The following SYT2 variants were observed in gnomAD, a reference collection of about 807,000 sequenced individuals.
SYT2 encodes synaptotagmin-2.
SYT2 carries 15 observed loss-of-function variants against 39.9 expected under a neutral mutation model. The ratio of observed to expected loss-of-function variants is 0.38; its 90% CI spans 0.25 to 0.58. The LOEUF (loss-of-function observed/expected upper bound fraction) is 0.58. Ranked by LOEUF, SYT2 falls within the 20% of genes least tolerant of loss-of-function variation. The pLI, the probability that SYT2 is intolerant of heterozygous loss-of-function variation, is 0.70. For missense variants in SYT2, 389 were observed against 530.3 expected (o/e 0.73, Z 2.62); for synonymous variants, 181 against 204.5 (o/e 0.89, Z 0.98).
intron 1 of SYT2, among the ~76,000 whole-genome samples, chr1:202,622,339 G>T (rs751360664): frequency 6.6e-6 from 1 of 152,088 alleles, no homozygotes; most frequent in Admixed American, 6.5e-5. Context: ...CTTGTGTACC[G>T]AGGCCTGATG....
At chr1:202,636,079 G>A (rs1204003292) in intron 1 of SYT2, among the ~76,000 whole-genome samples, 2 of 152,152 alleles carry the variant, frequency 1.3e-5, no homozygotes, top group African/African-American at 4.8e-5. Flanking sequence ...TCTGTCTGGG[G>A]CTCATGGCCA....
intron 1 of SYT2, among the ~76,000 whole-genome samples, chr1:202,709,602 G>C (rs12409197): frequency 0.3 from 44,953 of 152,106 alleles, 7,716 homozygotes; most frequent in South Asian, 0.42. Flanking sequence ...GCAGGGACGG[G>C]GCGTCCTAGG....
intron 1 of SYT2, chr1:202,639,545 GA>G (rs1691842516): frequency 1.0e-6 from 1 of 985,412 alleles, no homozygotes; most frequent in African/African-American, 1.7e-5. Flanking sequence ...CATCTCTGTG[GA>G]AGGCGGTGTT....
At chr1:202,613,174 G>A (rs533313454) in intron 1 of SYT2, among the ~76,000 whole-genome samples, 1 of 149,302 alleles carries the variant, frequency 6.7e-6, no homozygotes, top group Non-Finnish European at 1.5e-5. Context: ...TCCGCCTCCT[G>A]GGCTCAAGCA....
chr1:202,667,788 T>G (rs1393438639), intron 1 of SYT2, among the ~76,000 whole-genome samples: 1 of 151,928 alleles, frequency 6.6e-6, no homozygotes, highest in African/African-American at 2.4e-5. Context: ...TCTTGGCTCA[T>G]TGCAACCTCT....
At chr1:202,685,871 G>A (rs1423502045) in intron 1 of SYT2, among the ~76,000 whole-genome samples, 1 of 152,050 alleles carries the variant, frequency 6.6e-6, no homozygotes, top group Non-Finnish European at 1.5e-5. Context: ...GCAAGGCGAG[G>A]GAATGAGATC....
At chr1:202,605,900 CATA>C in intron 1 of SYT2, 111 bp from the exon 2 acceptor site, 2 of 707,640 alleles carry the variant, frequency 2.8e-6, no homozygotes, top group Admixed American at 5.8e-5. Flanking sequence ...AGATATTTTG[CATA>C]ATATTAACAA....
chr1:202,606,114 AT>A (rs925490416), intron 1 of SYT2, among the ~76,000 whole-genome samples: 4 of 152,166 alleles, frequency 2.6e-5, no homozygotes, highest in Non-Finnish European at 5.9e-5. Flanking sequence ...CTTAAAAAAA[AT>A]AGTACATATA....
chr1:202,683,181 A>G (rs1457776398), intron 1 of SYT2, among the ~76,000 whole-genome samples: 2 of 152,208 alleles, frequency 1.3e-5, no homozygotes, highest in African/African-American at 4.8e-5. Context: ...ATACCCTACA[A>G]TGACCAAGCA....
intron 1 of SYT2, among the ~76,000 whole-genome samples, chr1:202,673,245 CTAT>C (rs1366245744): frequency 1.3e-5 from 2 of 152,110 alleles, no homozygotes; most frequent in African/African-American, 4.8e-5. Flanking sequence ...ACTATAAGTA[CTAT>C]TAAGTCTTCT....
chr1:202,605,659 C>T lies in SYT2; in HGVS notation c.114G>A (p.Glu38=), dbSNP rs1413688999. The change falls in exon 2 of 9, where the codon GAG becomes GAA. Residue 38 remains glutamate (E), a synonymous_variant. Coordinates refer to ENST00000367268, the MANE Select transcript of SYT2 (RefSeq NM_177402.5). ...DNSTESGGAG[E]SQEDMFAKLK... ...GTTTGGCAAACATGTCCTCCTGGCT[C>T]TCCCCAGCACCCCCACTCTCAGTGG... 2.5e-6 allele frequency: 4 copies of T among 1,613,980 alleles called. No homozygotes were observed. The highest frequency in any genetic ancestry group is 1.3e-5 in the African/African-American group (1 of 75,036).
Position 202,615,032 on chromosome 1 carries a change from A to C in SYT2, c.-17-9243T>G, listed in dbSNP as rs1690995550. 2.0e-5 allele frequency among the ~76,000 whole-genome samples: 3 copies of C among 152,216 alleles called. No individual in the cohort carries two copies. The South Asian group carries it at 6.2e-4, about 31-fold the overall frequency. On this transcript the variant is annotated intron_variant, in intron 1 of 8. Coordinates refer to ENST00000367268, the MANE Select transcript of SYT2 (RefSeq NM_177402.5). ...GAGTAAAAAGACTAGGGTGGAGCAT[A>C]ACTCCAGAGGAAAGCGGGGAAAGAG...
chr1:202,639,061 G>C (rs991915839), intron 1 of SYT2, among the ~76,000 whole-genome samples: 1 of 152,148 alleles, frequency 6.6e-6, no homozygotes, highest in Non-Finnish European at 1.5e-5. Flanking sequence ...TTTTTTTCAC[G>C]TTTGGCTATC....
chr1:202,633,583 C>G (rs1055044397), intron 1 of SYT2, among the ~76,000 whole-genome samples: 2 of 152,138 alleles, frequency 1.3e-5, no homozygotes, highest in Non-Finnish European at 2.9e-5. Context: ...CCTGGGCACC[C>G]ATCCCAGCTT....
intron 1 of SYT2, among the ~76,000 whole-genome samples, chr1:202,701,729 G>A (rs1221220726): frequency 6.6e-6 from 1 of 152,140 alleles, no homozygotes; most frequent in Non-Finnish European, 1.5e-5. Flanking sequence ...TGCCATCATG[G>A]AAACTGCTTT....
chr1:202,639,201 G>A (rs546378046), intron 1 of SYT2, among the ~76,000 whole-genome samples: 4 of 152,232 alleles, frequency 2.6e-5, no homozygotes, highest in African/African-American at 7.2e-5. Context: ...TTGGGCTTCC[G>A]TGTTCTATTC....
chr1:202,703,402 G>A (rs1049008171), intron 1 of SYT2, among the ~76,000 whole-genome samples: 8 of 152,154 alleles, frequency 5.3e-5, no homozygotes, highest in South Asian at 2.1e-4. Context: ...AAAGAAGGGC[G>A]GGGGAAGGAA....
rs533010317 is a variant in SYT2 at position 202,606,503 on chromosome 1, A to G, written c.-17-714T>C. Among the ~76,000 whole-genome samples, 17 of 152,002 alleles carry G rather than the reference A, an allele frequency of 1.1e-4. No individual in the cohort carries two copies. In the South Asian group the frequency reaches 2.9e-3, roughly 26 times the overall value. ...TTGACTCTCCTCATCCCTGACTCCA[A>G]TTCCTCCTCCTGCCCCGCGAGACTC... On this transcript the variant is annotated intron_variant, in intron 1 of 8. Coordinates refer to ENST00000367268, the MANE Select transcript of SYT2 (RefSeq NM_177402.5).
At chr1:202,630,732 C>A (rs1307368895) in intron 1 of SYT2, among the ~76,000 whole-genome samples, 1 of 152,196 alleles carries the variant, frequency 6.6e-6, no homozygotes, top group Non-Finnish European at 1.5e-5. Flanking sequence ...GGAGAGCCTC[C>A]CTGGTCCAGG....
Sources: gnomAD v4.1 joint callset for allele counts (sites outside exome capture counted in the v4.1 genomes callset) on GRCh38, gnomAD v4.1.1 for gene constraint, MANE v1.5 for transcripts, NCBI Gene and HGNC (gene_info 2026-07-23, HGNC 2026-07-21) for gene names.